Variants in DGKD observed in about 807,000 individuals in gnomAD.
The protein encoded by DGKD is diacylglycerol kinase delta.
In DGKD, 68 loss-of-function variants were observed where a neutral mutation model predicts 154.4. That is an observed-to-expected ratio of 0.44 (90% confidence interval 0.36 to 0.54). The LOEUF (loss-of-function observed/expected upper bound fraction) is 0.54, where lower values mean the gene tolerates loss of function less well. Among genes scored for constraint, DGKD ranks in the 20% least tolerant of loss-of-function variants. DGKD has a pLI of 0.00. For missense variants in DGKD, 1,343 were observed against 1,593.6 expected, an observed-to-expected ratio of 0.84 and a Z score of 2.68; for synonymous variants, 693 against 638.0, an observed-to-expected ratio of 1.09 and a Z score of -1.30.
At chr2:233,356,139 T>C (rs2125365193) in intron 1 of DGKD, among the ~76,000 whole-genome samples, 1 of 152,250 alleles carries the variant, frequency 6.6e-6, no homozygotes, top group South Asian at 2.1e-4. Flanking sequence ...TAAGGTGAGA[T>C]CTTGAGGGAT....
At chr2:233,388,559 ATT>A in intron 2 of DGKD, 192 bp downstream of exon 2, 1 of 495,728 alleles carries the variant, frequency 2.0e-6, no homozygotes, top group Non-Finnish European at 3.5e-6. Flanking sequence ...ATCAAAATTA[ATT>A]TCTGTTCATT....
chr2:233,459,909 C>T lies in DGKD; in HGVS notation c.2829+18C>T, dbSNP rs373062963. On this transcript the variant is annotated intron_variant, in intron 23 of 29. Transcript: ENST00000264057. This position sits in a 1 kb window ranked among gnomAD's most constrained non-coding sequence, Gnocchi z 5.7. ...GAGACAGGGTAAGAGCGGCTGCCCG[C>T]GGTACCTGGGTGGGGTACAGGGCTC... is the stretch of plus-strand genomic sequence containing the variant. 161 of 1,611,036 alleles carry T rather than the reference C, an allele frequency of 1.0e-4. 2 individuals are homozygous for T. The highest frequency in any genetic ancestry group is 6.5e-4 in the Admixed American group (39 of 59,840).
intron 3 of DGKD, among the ~76,000 whole-genome samples, chr2:233,417,042 T>C (rs1305157815): frequency 6.6e-6 from 1 of 152,170 alleles, no homozygotes; most frequent in African/African-American, 2.4e-5. Context: ...TTTTTTATTT[T>C]TTATTTTTTT....
intron 5 of DGKD, 124 bp from the exon 6 acceptor site, chr2:233,435,694 A>G (rs936964714): frequency 1.4e-5 from 10 of 740,380 alleles, no homozygotes; most frequent in Non-Finnish European, 1.9e-5. Flanking sequence ...CACTTATAAA[A>G]TGGGAGTGCC....
chr2:233,398,313 T>C (rs943478973), intron 3 of DGKD, among the ~76,000 whole-genome samples: 1 of 151,668 alleles, frequency 6.6e-6, no homozygotes, highest in South Asian at 2.1e-4. Flanking sequence ...GACTAATTTT[T>C]TTTTTGTATT....
At chr2:233,372,150 A>G (rs905650464) in intron 1 of DGKD, among the ~76,000 whole-genome samples, 1 of 152,084 alleles carries the variant, frequency 6.6e-6, no homozygotes, top group African/African-American at 2.4e-5. Flanking sequence ...CCTCCTGAGT[A>G]GCTGGGACCA....
chr2:233,459,025 C>T lies in DGKD; in HGVS notation c.2694+628C>T, dbSNP rs374213882. Among the ~76,000 whole-genome samples, 9 of 152,234 alleles carry T rather than the reference C, an allele frequency of 5.9e-5. No homozygotes were observed. Among genetic ancestry groups the T allele is most frequent in the African/African-American group, 9.6e-5 (4 of 41,458 alleles). ...GCAGCTGTCAAAGCCGCAGTGGGGA[C>T]GGAGCCCATGGCTCTGATGTGGGGT... On this transcript the variant is annotated intron_variant, in intron 22 of 29. Coordinates refer to ENST00000264057, the MANE Select transcript of DGKD (RefSeq NM_152879.3). This position sits in a 1 kb window ranked among gnomAD's most constrained non-coding sequence, Gnocchi z 5.7.
rs767344808 is a variant in DGKD, at chr2:233,437,347, C to T, written c.820-30C>T. ...TGGTGTGTGTGAAGGATGCCAGTGA[C>T]CCTTGGTGACGCGGGGACTCTTGTT... On this transcript the variant is annotated intron_variant, in intron 7 of 29. Transcript: ENST00000264057. 19 of 1,599,160 alleles carry T rather than the reference C, an allele frequency of 1.2e-5. No individual in the cohort carries two copies. The African/African-American group carries it at 2.4e-4, about 20-fold the overall frequency.
At chr2:233,433,819 C>G (rs1003975480) in intron 3 of DGKD, among the ~76,000 whole-genome samples, 4 of 152,098 alleles carry the variant, frequency 2.6e-5, no homozygotes, top group African/African-American at 9.7e-5. Context: ...GATAAGAACC[C>G]TTTATATATT....
Position 233,445,676 on chromosome 2 carries a change from G to A in DGKD, c.1248G>A (p.Leu416=). ...CAGGGAACGACTTGGCCCGAGTACTGGGCTGGGGCTCAGCCTGCGATGACG... is the reference window on the plus strand; with the variant it reads ...CAGGGAACGACTTGGCCCGAGTACTAGGCTGGGGCTCAGCCTGCGATGACG... The part of the protein sequence containing the change: ...LGTGNDLARV[L]GWGSACDDDT... Residue 416 remains leucine (L), a synonymous_variant, in exon 11 of 30, where the codon CTG becomes CTA. Coordinates refer to ENST00000264057, the MANE Select transcript of DGKD (RefSeq NM_152879.3). This position sits in a 1 kb window ranked among gnomAD's most constrained non-coding sequence, Gnocchi z 5.5. 1 of 1,613,534 alleles carries A rather than the reference G, an allele frequency of 6.2e-7. No individual in the cohort carries two copies. Among genetic ancestry groups the A allele is most frequent in the Non-Finnish European group, 8.5e-7 (1 of 1,179,794 alleles).
intron 27 of DGKD, among the ~76,000 whole-genome samples, chr2:233,465,607 T>A (rs868029685): frequency 1.3e-5 from 2 of 152,136 alleles, no homozygotes; most frequent in Admixed American, 6.5e-5. Flanking sequence ...AATTTTTTTT[T>A]AAACTTAAAG....
rs541401246 is a variant in DGKD at position 233,438,646 on chromosome 2, G to A, written c.1085+267G>A. 5.9e-5 allele frequency among the ~76,000 whole-genome samples: 9 copies of A among 152,288 alleles called. No homozygotes were observed. In the East Asian group the frequency reaches 1.7e-3, roughly 29 times the overall value. Reference sequence around the variant, plus strand: ...CACGTGCATCTTTTGAGCCAATCAGGATTCTTCTTTACCTGCCGTTGCACA... The same window carrying A: ...CACGTGCATCTTTTGAGCCAATCAGAATTCTTCTTTACCTGCCGTTGCACA... On this transcript the variant is annotated intron_variant, in intron 9 of 29. Coordinates refer to ENST00000264057, the MANE Select transcript of DGKD (RefSeq NM_152879.3). This position sits in a 1 kb window ranked among gnomAD's most constrained non-coding sequence, Gnocchi z 4.1.
chr2:233,359,069 A>G (rs747077545), intron 1 of DGKD, among the ~76,000 whole-genome samples: 2 of 152,204 alleles, frequency 1.3e-5, no homozygotes, highest in African/African-American at 2.4e-5. Context: ...CTCTTTTGAT[A>G]CTAGCCATCC....
intron 17 of DGKD, 52 bp downstream of exon 17, chr2:233,451,102 T>A: frequency 6.5e-7 from 1 of 1,528,568 alleles, no homozygotes; most frequent in Non-Finnish European, 8.9e-7. Flanking sequence ...ACAACACTGG[T>A]CCCGTCAAAC....
At position 233,441,855 on chromosome 2, in the gene DGKD, G is replaced by A; in HGVS notation, c.1086-32G>A. 1.9e-6 allele frequency: 3 copies of A among 1,590,924 alleles called. No individual in the cohort carries two copies. Among genetic ancestry groups the A allele is most frequent in the Non-Finnish European group, 2.6e-6 (3 of 1,162,144 alleles). On this transcript the variant is annotated intron_variant, in intron 9 of 29. Transcript: ENST00000264057. The surrounding 1 kb of genome is among the most constrained non-coding windows in gnomAD (Gnocchi z 5.6). ...CTGTCATTTGTCCTGTGGAATGGATGTCATTTCACGGCCTTTCTCTTTTCT... is the reference window on the plus strand; with the variant it reads ...CTGTCATTTGTCCTGTGGAATGGATATCATTTCACGGCCTTTCTCTTTTCT...
rs2063327277 is a variant in DGKD at position 233,452,512 on chromosome 2, G to C, written c.2264+452G>C. Among the ~76,000 whole-genome samples, 1 of 152,124 alleles carries C rather than the reference G, an allele frequency of 6.6e-6. No homozygotes were observed. The highest frequency in any genetic ancestry group is 2.1e-4 in the South Asian group (1 of 4,824). ...ACCTGCTCTCCTTGTTGGTGATGCAGAACCACAGACTCTGAGCTGGAGGGT... is the reference window on the plus strand; with the variant it reads ...ACCTGCTCTCCTTGTTGGTGATGCACAACCACAGACTCTGAGCTGGAGGGT... On this transcript the variant is annotated intron_variant, in intron 18 of 29. Coordinates refer to ENST00000264057, the MANE Select transcript of DGKD (RefSeq NM_152879.3). This position sits in a 1 kb window ranked among gnomAD's most constrained non-coding sequence, Gnocchi z 4.0.
At position 233,423,893 on chromosome 2, in the gene DGKD, A is replaced by C. The variant is rs140604851; in HGVS notation, c.349-10487A>C. Among the ~76,000 whole-genome samples, 259 of 152,250 alleles carry C rather than the reference A, an allele frequency of 1.7e-3. 1 individual carries two copies. The highest frequency in any genetic ancestry group is 5.9e-3 in the African/African-American group (245 of 41,542). Reference sequence around the variant, plus strand: ...TATACCAGGTAAAAAGAAAACCCAGAGGGCCACCACAGTGTCATCCCTTTG... The same window carrying C: ...TATACCAGGTAAAAAGAAAACCCAGCGGGCCACCACAGTGTCATCCCTTTG... On this transcript the variant is annotated intron_variant, in intron 3 of 29. Coordinates refer to ENST00000264057, the MANE Select transcript of DGKD (RefSeq NM_152879.3).
rs1034288503 is a variant in DGKD, at chr2:233,459,256, C to T, written c.2695-501C>T. Among the ~76,000 whole-genome samples the T allele has an allele frequency of 9.2e-5, 14 of 152,130 alleles. No homozygotes were observed. The highest frequency in any genetic ancestry group is 7.2e-4 in the Admixed American group (11 of 15,272). ...CACCCACTGGCTGAACCCCACCCTG[C>T]GACTGTCTGGTGTCTTCCAGCACTC... On this transcript the variant is annotated intron_variant, in intron 22 of 29. Coordinates refer to ENST00000264057, the MANE Select transcript of DGKD (RefSeq NM_152879.3). This position sits in a 1 kb window ranked among gnomAD's most constrained non-coding sequence, Gnocchi z 5.7.
Position 233,468,559 on chromosome 2 carries a change from TC to T in DGKD, c.3555+8del, listed in dbSNP as rs2063899948. 1.2e-6 allele frequency: 2 copies of T among 1,613,300 alleles called. No homozygotes were observed. Among genetic ancestry groups the T allele is most frequent in the East Asian group, 2.2e-5 (1 of 44,846 alleles). ...TGGAGCGGAGGGACCTCAAGGTACT[TC>T]CATAGGCGTCTCCCTGGAACCTGCA... On this transcript the variant is annotated splice_region_variant and intron_variant, in intron 29 of 29. Coordinates refer to ENST00000264057, the MANE Select transcript of DGKD (RefSeq NM_152879.3).
Sources: gnomAD v4.1 joint callset for allele counts (sites outside exome capture counted in the v4.1 genomes callset) on GRCh38, gnomAD v4.1.1 for gene constraint, Gnocchi (gnomAD v3.1) non-coding constraint, MANE v1.5 for transcripts, NCBI Gene and HGNC (gene_info 2026-07-23, HGNC 2026-07-21) for gene names.